The following WWOX variants were observed in gnomAD, a reference collection of about 807,000 sequenced individuals.
The protein encoded by WWOX is WW domain containing oxidoreductase.
Under a neutral mutation model 46.2 loss-of-function variants are expected in WWOX, and 69 were observed. The ratio of observed to expected loss-of-function variants is 1.49; its 90% CI spans 1.23 to 1.82. WWOX has a LOEUF of 1.82. Ranked by LOEUF, WWOX falls within the 40% of genes most tolerant of loss-of-function variation. The pLI is 0.00. For synonymous variants in WWOX, 359 were observed against 202.6 expected, an observed-to-expected ratio of 1.77 and a Z score of -6.56; for missense variants, 919 against 542.6, an observed-to-expected ratio of 1.69 and a Z score of -6.89.
Position 78,634,873 on chromosome 16 carries a change from T to C in WWOX, c.1056+202121T>C, listed in dbSNP as rs184478525. On this transcript the variant is annotated intron_variant, in intron 8 of 8. Coordinates refer to ENST00000566780, the MANE Select transcript of WWOX (RefSeq NM_016373.4). Reference sequence around the variant, plus strand: ...GTGTGTGTGTGTGTGTGTGTGTGTGTGCGCGTGCATGTGTATACGCTGGTG... The same window carrying C: ...GTGTGTGTGTGTGTGTGTGTGTGTGCGCGCGTGCATGTGTATACGCTGGTG... Among the ~76,000 whole-genome samples, 459 of 140,828 alleles carry C rather than the reference T, an allele frequency of 3.3e-3. 1 individual carries two copies. The highest frequency in any genetic ancestry group is 6.5e-3 in the African/African-American group (240 of 36,736). 92.4% of individuals were successfully genotyped at this position (140,828 alleles called of 152,430 possible).
intron 8 of WWOX, among the ~76,000 whole-genome samples, chr16:78,631,581 C>T (rs1329828306): frequency 6.7e-6 from 1 of 150,300 alleles, no homozygotes; most frequent in Admixed American, 6.7e-5. Context: ...CTCTGTCACC[C>T]AGGGTCTAGC....
rs1412456452 is a variant in WWOX at position 79,211,588 on chromosome 16, C to CTT, written c.1057-18_1057-17dup. The CTT allele has an allele frequency of 1.7e-5, 28 of 1,613,736 alleles. No individual in the cohort carries two copies. Among genetic ancestry groups the CTT allele is most frequent in the Non-Finnish European group, 2.4e-5 (28 of 1,179,804 alleles). ...TCCTTTTCTTAAAATTTTTTTTTGT[C>CTT]TTTCTTCTTGGATTTCCAGCAACAG... On this transcript the variant is annotated intron_variant, in intron 8 of 8. Coordinates refer to ENST00000566780, the MANE Select transcript of WWOX (RefSeq NM_016373.4).
chr16:78,846,978 G>A (rs964796563), intron 8 of WWOX, among the ~76,000 whole-genome samples: 1 of 152,204 alleles, frequency 6.6e-6, no homozygotes, highest in Admixed American at 6.5e-5. Context: ...ATATTTTGGT[G>A]CTCAAATTGT....
intron 8 of WWOX, among the ~76,000 whole-genome samples, chr16:78,459,396 G>A (rs1348502114): frequency 1.3e-5 from 2 of 152,226 alleles, no homozygotes; most frequent in Non-Finnish European, 2.9e-5. Flanking sequence ...TGGCCTACAA[G>A]TGGAGCGTGA....
chr16:79,040,159 A>G (rs2047942782), intron 8 of WWOX, among the ~76,000 whole-genome samples: 1 of 152,154 alleles, frequency 6.6e-6, no homozygotes, highest in African/African-American at 2.4e-5. Context: ...TCCTGGCATA[A>G]AAAGAGCCCT....
intron 8 of WWOX, among the ~76,000 whole-genome samples, chr16:78,702,007 TTATATA>T (rs869227421): frequency 0.012 from 691 of 57,594 alleles, 17 homozygotes; most frequent in African/African-American, 0.039. Flanking sequence ...CTACATAAAA[TTATATA>T]TATATATATA....
chr16:78,691,548 AATAAAAAAAATT>A (rs1043062128), intron 8 of WWOX, among the ~76,000 whole-genome samples: 2 of 152,052 alleles, frequency 1.3e-5, no homozygotes, highest in African/African-American at 2.4e-5. Flanking sequence ...CTCTACAAAA[AATAAAAAAAATT>A]ATCTGGGTAT....
At chr16:78,520,339 A>T (rs1597205105) in intron 8 of WWOX, among the ~76,000 whole-genome samples, 2 of 152,216 alleles carry the variant, frequency 1.3e-5, no homozygotes, top group Non-Finnish European at 2.9e-5. Context: ...TACGCACATT[A>T]GAAGGAGTAA....
At chr16:78,634,935 C>G (rs369222053) in intron 8 of WWOX, among the ~76,000 whole-genome samples, 40 of 150,350 alleles carry the variant, frequency 2.7e-4, no homozygotes, top group African/African-American at 9.8e-4. Context: ...ACTTTGTGAA[C>G]GAGGAGGAGG....
rs372987682 is a variant in WWOX at position 78,587,372 on chromosome 16, G to A, written c.1056+154620G>A. 2.6e-5 allele frequency among the ~76,000 whole-genome samples: 4 copies of A among 151,944 alleles called. No individual in the cohort carries two copies. The East Asian group carries it at 7.7e-4, about 29-fold the overall frequency. On this transcript the variant is annotated intron_variant, in intron 8 of 8. Coordinates refer to ENST00000566780, the MANE Select transcript of WWOX (RefSeq NM_016373.4). ...TACATTTTTAAAATAAAATTTCAGA[G>A]AAAGCAACCAAAGGGAGCATAACTC...
intron 8 of WWOX, among the ~76,000 whole-genome samples, chr16:78,520,849 C>G (rs531429246): frequency 6.6e-6 from 1 of 152,060 alleles, no homozygotes; most frequent in Non-Finnish European, 1.5e-5. Flanking sequence ...CTCAGGGGAG[C>G]CTTGGTTGTA....
At chr16:78,539,604 G>A (rs893213645) in intron 8 of WWOX, among the ~76,000 whole-genome samples, 6 of 152,160 alleles carry the variant, frequency 3.9e-5, no homozygotes, top group African/African-American at 7.2e-5. Context: ...AGAATTTCCC[G>A]ATTCTCTTCC....
chr16:79,139,526 C>A (rs537488984), intron 8 of WWOX, among the ~76,000 whole-genome samples: 8 of 152,308 alleles, frequency 5.3e-5, no homozygotes, highest in African/African-American at 1.9e-4. Context: ...GATGTCCAAA[C>A]ACGATGTCTT....
At chr16:79,000,918 C>T (rs1439429052) in intron 8 of WWOX, among the ~76,000 whole-genome samples, 1 of 152,254 alleles carries the variant, frequency 6.6e-6, no homozygotes, top group Non-Finnish European at 1.5e-5. Flanking sequence ...AATTAATACT[C>T]ATCTGCCCCA....
At chr16:78,368,478 G>C (rs1015080555) in intron 5 of WWOX, among the ~76,000 whole-genome samples, 2 of 152,132 alleles carry the variant, frequency 1.3e-5, no homozygotes, top group African/African-American at 4.8e-5. Context: ...TTTCAATGTG[G>C]TAAAAGCTCT....
intron 5 of WWOX, among the ~76,000 whole-genome samples, chr16:78,254,184 C>T (rs1253310240): frequency 1.3e-5 from 2 of 152,010 alleles, no homozygotes; most frequent in African/African-American, 4.8e-5. Context: ...GATCCTCCTG[C>T]CTGGTAGGTG....
rs749791516 is a variant in WWOX, at chr16:79,211,892, C to G, written c.*96C>G. The G allele has an allele frequency of 1.5e-5, 23 of 1,570,456 alleles. No homozygotes were observed. Among genetic ancestry groups the G allele is most frequent in the Non-Finnish European group, 2.0e-5 (23 of 1,161,210 alleles). ...GCCCCTTCCAAATGTCCCTCCAACACAGATCCGCAAGAGTAAAGGAAATAA... is the reference window on the plus strand; with the variant it reads ...GCCCCTTCCAAATGTCCCTCCAACAGAGATCCGCAAGAGTAAAGGAAATAA... On this transcript the variant is annotated 3_prime_UTR_variant, in exon 9 of 9. Coordinates refer to ENST00000566780, the MANE Select transcript of WWOX (RefSeq NM_016373.4).
intron 8 of WWOX, among the ~76,000 whole-genome samples, chr16:78,654,284 G>C (rs2047032345): frequency 6.6e-6 from 1 of 152,288 alleles, no homozygotes; most frequent in South Asian, 2.1e-4. Flanking sequence ...AGTGATATGA[G>C]AATTATGAAA....
At chr16:78,147,335 G>C (rs192910762) in intron 4 of WWOX, among the ~76,000 whole-genome samples, 3 of 152,248 alleles carry the variant, frequency 2.0e-5, no homozygotes, top group Admixed American at 1.3e-4. Context: ...GGAGTTGGAG[G>C]AGTCATTGAT....
Sources: allele counts gnomAD v4.1 joint callset (sites outside exome capture counted in the v4.1 genomes callset), GRCh38; gene constraint gnomAD v4.1.1; transcripts MANE v1.5; gene names NCBI Gene and HGNC (gene_info 2026-07-23, HGNC 2026-07-21).